The following TMEM50A variants were observed in gnomAD, a reference collection of about 807,000 sequenced individuals.
TMEM50A encodes the protein cervical cancer oncogene 9.
A neutral mutation model predicts 23.9 loss-of-function variants in TMEM50A; 8 were observed. The observed-to-expected ratio is 0.33, with a 90% confidence interval of 0.20 to 0.60. The LOEUF (loss-of-function observed/expected upper bound fraction) is 0.60. Among genes scored for constraint, TMEM50A ranks in the 20% least tolerant of loss-of-function variants. TMEM50A has a pLI of 0.81. For missense variants in TMEM50A, 178 were observed against 192.7 expected (o/e 0.92, Z 0.45); for synonymous variants, 55 against 60.4 (o/e 0.91, Z 0.41).
rs1645422841 is a variant in TMEM50A, at chr1:25,362,334, A to G, written c.*1629A>G. On this transcript the variant is annotated 3_prime_UTR_variant, in exon 7 of 7. Coordinates refer to ENST00000374358, the MANE Select transcript of TMEM50A (RefSeq NM_014313.4). Reference sequence around the variant, plus strand: ...CCTAATGAAACTAAACATTTATTTTAAACTTATTAAATTGACTCTTAAACT... The same window carrying G: ...CCTAATGAAACTAAACATTTATTTTGAACTTATTAAATTGACTCTTAAACT... 1.6e-6 allele frequency: 2 copies of G among 1,265,386 alleles called. No individual in the cohort carries two copies. The highest frequency in any genetic ancestry group is 5.1e-5 in the East Asian group (2 of 39,340). 78.4% of individuals were successfully genotyped at this position (1,265,386 alleles called of 1,614,324 possible).
chr1:25,341,766 C>T (rs1645171148), intron 2 of TMEM50A, among the ~76,000 whole-genome samples: 1 of 152,190 alleles, frequency 6.6e-6, no homozygotes, highest in South Asian at 2.1e-4. Flanking sequence ...GAAATCACTG[C>T]TCATTGCAAC....
chr1:25,348,087 C>T (rs1571800789), intron 3 of TMEM50A, among the ~76,000 whole-genome samples: 1 of 152,152 alleles, frequency 6.6e-6, no homozygotes, highest in South Asian at 2.1e-4. Flanking sequence ...AACGTGTTTC[C>T]TGCTAAACTT....
At chr1:25,357,577 T>TGTG (rs1242105475) in intron 6 of TMEM50A, among the ~76,000 whole-genome samples, 3 of 147,638 alleles carry the variant, frequency 2.0e-5, no homozygotes, top group African/African-American at 7.6e-5. Context: ...TGTGTGTGTG[T>TGTG]TGTTTTGAGA....
At chr1:25,341,676 G>C (rs1645170220) in intron 2 of TMEM50A, among the ~76,000 whole-genome samples, 1 of 151,868 alleles carries the variant, frequency 6.6e-6, no homozygotes, top group South Asian at 2.1e-4. Flanking sequence ...ACCGCACCAA[G>C]CCATTTTTTC....
chr1:25,344,497 A>G (rs1449431461), intron 3 of TMEM50A, among the ~76,000 whole-genome samples: 1 of 151,990 alleles, frequency 6.6e-6, no homozygotes, highest in Non-Finnish European at 1.5e-5. Context: ...AGTTTGCTTC[A>G]TACTTGGGCT....
intron 5 of TMEM50A, among the ~76,000 whole-genome samples, chr1:25,355,709 A>G (rs568122476): frequency 6.6e-6 from 1 of 152,350 alleles, no homozygotes; most frequent in African/African-American, 2.4e-5. Context: ...GAAAAATTTG[A>G]CAGTTCACCT....
At chr1:25,341,053 A>G (rs956926294) in intron 2 of TMEM50A, among the ~76,000 whole-genome samples, 10 of 152,220 alleles carry the variant, frequency 6.6e-5, no homozygotes, top group Admixed American at 6.5e-4. Flanking sequence ...TTTTTTAAAA[A>G]GCAAAAACAA....
At chr1:25,358,899 C>T (rs766902353) in intron 6 of TMEM50A, among the ~76,000 whole-genome samples, 3 of 152,312 alleles carry the variant, frequency 2.0e-5, no homozygotes, top group Non-Finnish European at 1.5e-5. Flanking sequence ...GGATTACAGG[C>T]GCATGCCACC....
At chr1:25,348,422 C>T (rs3091241) in intron 3 of TMEM50A, among the ~76,000 whole-genome samples, 65,920 of 151,998 alleles carry the variant, frequency 0.43, 15,659 homozygotes, top group Non-Finnish European at 0.54. Context: ...CACGGTGGCT[C>T]ACGCCTGTAA....
In TMEM50A at chr1:25,357,289, C is replaced by T. The variant is rs1305488271; in HGVS notation, c.428+436C>T. On this transcript the variant is annotated intron_variant, in intron 6 of 6. Coordinates refer to ENST00000374358, the MANE Select transcript of TMEM50A (RefSeq NM_014313.4). ...TGAGATTTGAGGTGTGGAGGAAAAG[C>T]CCAAACATTTTTTTATCCTTCCCTT... is the stretch of plus-strand genomic sequence containing the variant. Among the ~76,000 whole-genome samples, 6 of 152,200 alleles carry T rather than the reference C, an allele frequency of 3.9e-5. 1 individual carries two copies. The South Asian group carries it at 1.2e-3, about 32-fold the overall frequency.
chr1:25,353,634 A>G (rs1645303182), intron 5 of TMEM50A, among the ~76,000 whole-genome samples: 1 of 152,240 alleles, frequency 6.6e-6, no homozygotes, highest in South Asian at 2.1e-4. Context: ...TTTCAGACAG[A>G]AAAGTAAACT....
chr1:25,350,379 G>A (rs1046577388), intron 3 of TMEM50A, among the ~76,000 whole-genome samples: 1 of 152,000 alleles, frequency 6.6e-6, no homozygotes, highest in Non-Finnish European at 1.5e-5. Flanking sequence ...AGAAAATTTT[G>A]AGAATTTTGT....
At chr1:25,358,607 A>C (rs1348110880) in intron 6 of TMEM50A, among the ~76,000 whole-genome samples, 1 of 152,248 alleles carries the variant, frequency 6.6e-6, no homozygotes, top group African/African-American at 2.4e-5. Flanking sequence ...TTTGGAAATA[A>C]AAATGTAAAC....
intron 3 of TMEM50A, among the ~76,000 whole-genome samples, chr1:25,343,875 A>C (rs1249210258): frequency 6.6e-6 from 1 of 152,204 alleles, no homozygotes. Flanking sequence ...TAGCAAGATC[A>C]AGGGAAAGAG....
In TMEM50A at chr1:25,352,874, C is replaced by A. The variant is rs372070242; in HGVS notation, c.275-8C>A. The A allele has an allele frequency of 9.9e-6, 16 of 1,608,812 alleles. No individual in the cohort carries two copies. The highest frequency in any genetic ancestry group is 1.4e-5 in the Non-Finnish European group (16 of 1,177,920). ...AAAGAATTCTGGTAAAATATTATTT[C>A]TTTGAAGGTGCTCGCATTTGGCTTT... On this transcript the variant is annotated splice_region_variant and splice_polypyrimidine_tract_variant and intron_variant, in intron 4 of 6. Transcript: ENST00000374358.
intron 6 of TMEM50A, among the ~76,000 whole-genome samples, chr1:25,358,370 G>T (rs973619524): frequency 2.6e-5 from 4 of 152,188 alleles, no homozygotes; most frequent in Non-Finnish European, 4.4e-5. Flanking sequence ...GCTTTCATCA[G>T]ATTTTCAAAG....
At chr1:25,350,177 T>C (rs1397294213) in intron 3 of TMEM50A, among the ~76,000 whole-genome samples, 1 of 152,224 alleles carries the variant, frequency 6.6e-6, no homozygotes, top group Admixed American at 6.5e-5. Context: ...TCCAAACATT[T>C]GATATCAGTA....
chr1:25,348,121 T>C (rs1372610394), intron 3 of TMEM50A, among the ~76,000 whole-genome samples: 2 of 152,218 alleles, frequency 1.3e-5, no homozygotes, highest in Non-Finnish European at 2.9e-5. Context: ...TTAACATAAT[T>C]ATAGCAGAGC....
chr1:25,356,568 G>A (rs1405382841), intron 5 of TMEM50A, among the ~76,000 whole-genome samples: 1 of 152,184 alleles, frequency 6.6e-6, no homozygotes, highest in Non-Finnish European at 1.5e-5. Flanking sequence ...AATAGGGCCA[G>A]CATACAGTAT....
Sources: gnomAD v4.1 joint callset for allele counts (sites outside exome capture counted in the v4.1 genomes callset) on GRCh38, gnomAD v4.1.1 for gene constraint, MANE v1.5 for transcripts, NCBI Gene and HGNC (gene_info 2026-07-23, HGNC 2026-07-21) for gene names.